CDKN2B-AS1: variants seen among roughly 807,000 people sequenced by gnomAD.
CDKN2B-AS1 encodes CDKN2B and CDKN2A antisense cis and trans regulatory RNA 1, also known as CDKN2B antisense RNA 1 (non-protein coding).
At chr9:22,107,061 T>C (rs1336946465) in intron 4 of CDKN2B-AS1, among the ~76,000 whole-genome samples, 3 of 152,184 alleles carry the variant, frequency 2.0e-5, no homozygotes, top group Admixed American at 6.5e-5. Context: ...AGGGAAGTCT[T>C]GTGGTCAAAT....
intron 1 of CDKN2B-AS1, chr9:22,004,379 G>T (rs1420827973): frequency 4.3e-6 from 1 of 231,854 alleles, no homozygotes; most frequent in African/African-American, 2.2e-5. Context: ...CATAATACAT[G>T]TATACACTTT....
chr9:22,010,093 CTTATT>C (rs1821422541), intron 1 of CDKN2B-AS1, among the ~76,000 whole-genome samples: 2 of 152,060 alleles, frequency 1.3e-5, no homozygotes, highest in African/African-American at 4.8e-5. Context: ...TGTCAGGTAT[CTTATT>C]TTTATTTATC....
intron 3 of CDKN2B-AS1, among the ~76,000 whole-genome samples, chr9:22,056,010 A>G (rs1374807990): frequency 6.6e-6 from 1 of 151,326 alleles, no homozygotes; most frequent in Admixed American, 6.6e-5. Context: ...AGTTGATAGC[A>G]TTCTTGATGG....
chr9:22,054,829 G>C (rs1823490172), intron 3 of CDKN2B-AS1, among the ~76,000 whole-genome samples: 1 of 151,240 alleles, frequency 6.6e-6, no homozygotes, highest in South Asian at 2.1e-4. Flanking sequence ...TCAGCTCACT[G>C]TAACTTCTGC....
chr9:22,006,244 T>C lies in CDKN2B-AS1; in HGVS notation n.29+11083T>C. On this transcript the variant is annotated intron_variant and non_coding_transcript_variant, in intron 1 of 4. Coordinates refer to ENST00000650946, the Ensembl canonical transcript of CDKN2B-AS1. This position sits in a 1 kb window ranked among gnomAD's most constrained non-coding sequence, Gnocchi z 6.4. ...GCCACGCGGGCGCTGCCCATCATCA[T>C]GACCTGCCAGAGAGAGCAGAGTGGT... 1.2e-6 allele frequency: 2 copies of C among 1,605,050 alleles called. No individual in the cohort carries two copies. Among genetic ancestry groups the C allele is most frequent in the Non-Finnish European group, 1.7e-6 (2 of 1,179,902 alleles).
In CDKN2B-AS1 at chr9:22,001,778, T is replaced by C. The variant is rs1015120562; in HGVS notation, n.29+6617T>C. ...TTGGATAGCTGAAATTGAGAAACGTTTTATAGAAACTTTTCAGGTATGAAG... is the reference window on the plus strand; with the variant it reads ...TTGGATAGCTGAAATTGAGAAACGTCTTATAGAAACTTTTCAGGTATGAAG... On this transcript the variant is annotated intron_variant and non_coding_transcript_variant, in intron 1 of 4. Coordinates refer to ENST00000650946, the Ensembl canonical transcript of CDKN2B-AS1. This position sits in a 1 kb window ranked among gnomAD's most constrained non-coding sequence, Gnocchi z 4.2. 6.6e-6 allele frequency among the ~76,000 whole-genome samples: 1 copy of C among 152,066 alleles called. No homozygotes were observed. Among genetic ancestry groups the C allele is most frequent in the African/African-American group, 2.4e-5 (1 of 41,430 alleles).
intron 4 of CDKN2B-AS1, among the ~76,000 whole-genome samples, chr9:22,060,635 A>T (rs1448148150): frequency 6.6e-6 from 1 of 152,016 alleles, no homozygotes; most frequent in African/African-American, 2.4e-5. Context: ...GCAAAGCCCC[A>T]CTCTACTGGT....
At chr9:22,096,479 C>G (rs1320342246) in intron 4 of CDKN2B-AS1, 1 of 152,160 alleles carries the variant, frequency 6.6e-6, no homozygotes, top group African/African-American at 2.4e-5. Context: ...ATGGAAGGTG[C>G]TATGGACACA....
At chr9:22,017,527 A>G (rs1227577669) in intron 1 of CDKN2B-AS1, among the ~76,000 whole-genome samples, 1 of 152,146 alleles carries the variant, frequency 6.6e-6, no homozygotes. Context: ...CATTTTATCA[A>G]GTTTTGTCCT....
intron 3 of CDKN2B-AS1, among the ~76,000 whole-genome samples, chr9:22,050,083 T>C (rs1018464601): frequency 2.0e-5 from 3 of 152,198 alleles, no homozygotes; most frequent in African/African-American, 7.2e-5. Context: ...TAAGTCTGTA[T>C]TTCTCTTTTA....
intron 1 of CDKN2B-AS1, chr9:22,029,476 T>C: frequency 1.3e-6 from 1 of 779,654 alleles, no homozygotes; most frequent in Non-Finnish European, 2.4e-6. Context: ...GAGAGAATAT[T>C]GGTGTCCATG....
At chr9:22,044,165 T>G (rs1823014967) in intron 1 of CDKN2B-AS1, among the ~76,000 whole-genome samples, 1 of 152,024 alleles carries the variant, frequency 6.6e-6, no homozygotes, top group Non-Finnish European at 1.5e-5. Flanking sequence ...TGTTTTAGTA[T>G]TTGTACTTTA....
Position 22,094,227 on chromosome 9 carries a change from C to G in CDKN2B-AS1, n.439-32876C>G, listed in dbSNP as rs1006697310. Reference sequence around the variant, plus strand: ...GGCTTCCCTTTGTGGGTAACCCGACCTTTCTCTCTGGCTGCCCTTAACATT... The same window carrying G: ...GGCTTCCCTTTGTGGGTAACCCGACGTTTCTCTCTGGCTGCCCTTAACATT... On this transcript the variant is annotated intron_variant and non_coding_transcript_variant, in intron 4 of 4. Transcript: ENST00000650946. Among the ~76,000 whole-genome samples, 34 of 143,740 alleles carry G rather than the reference C, an allele frequency of 2.4e-4. 1 individual carries two copies. Among genetic ancestry groups the G allele is most frequent in the Non-Finnish European group, 8.8e-5 (6 of 67,804 alleles). The allele number at this position is 143,740 out of a possible 152,430, so 94.3% of individuals were successfully genotyped here.
At chr9:22,096,472 G>A (rs1038396907) in intron 4 of CDKN2B-AS1, 2 of 152,210 alleles carry the variant, frequency 1.3e-5, no homozygotes, top group Non-Finnish European at 2.9e-5. Context: ...CTATGGTATG[G>A]AAGGTGCTAT....
intron 4 of CDKN2B-AS1, among the ~76,000 whole-genome samples, chr9:22,058,180 G>A (rs1222659307): frequency 2.6e-5 from 4 of 152,152 alleles, no homozygotes; most frequent in Non-Finnish European, 5.9e-5. Context: ...GGCAGCAAGA[G>A]CGAAACTCCA....
intron 1 of CDKN2B-AS1, among the ~76,000 whole-genome samples, chr9:22,012,937 G>A (rs797018639): frequency 8.5e-4 from 129 of 152,232 alleles, no homozygotes; most frequent in African/African-American, 2.7e-3. Context: ...TTTAGTATCC[G>A]TATTAGTTTG....
chr9:22,012,057 G>T (rs922613718), intron 1 of CDKN2B-AS1: 18 of 590,326 alleles, frequency 3.0e-5, no homozygotes, highest in Non-Finnish European at 5.2e-5. Context: ...TTATATTCTA[G>T]TTGGTGAAAT....
At chr9:22,042,080 G>T (rs901161323) in intron 1 of CDKN2B-AS1, among the ~76,000 whole-genome samples, 1 of 152,022 alleles carries the variant, frequency 6.6e-6, no homozygotes, top group Admixed American at 6.6e-5. Flanking sequence ...AGCCCAGCAG[G>T]TTCTACGGGT....
intron 4 of CDKN2B-AS1, among the ~76,000 whole-genome samples, chr9:22,112,658 T>C (rs1277066798): frequency 6.6e-6 from 1 of 152,182 alleles, no homozygotes; most frequent in African/African-American, 2.4e-5. Context: ...GCTCAAATAA[T>C]CCCCATGACA....
Sources: allele counts gnomAD v4.1 joint callset (sites outside exome capture counted in the v4.1 genomes callset), GRCh38; gene constraint gnomAD v4.1.1; non-coding constraint Gnocchi (gnomAD v3.1); transcripts MANE v1.5; gene names NCBI Gene and HGNC (gene_info 2026-07-23, HGNC 2026-07-21).